Variants in MED27 observed in about 807,000 individuals in gnomAD.
The protein encoded by MED27 is mediator of RNA polymerase II transcription subunit 27.
In MED27, 30 loss-of-function variants were observed where a neutral mutation model predicts 38.2. The observed-to-expected ratio is 0.79, with a 90% CI of 0.59 to 1.07. The LOEUF (loss-of-function observed/expected upper bound fraction) is 1.07. MED27 is among the 50% of genes least tolerant of loss of function. The pLI is 0.00. For missense variants in MED27, 289 were observed against 397.5 expected, an observed-to-expected ratio of 0.73 and a Z score of 2.32; for synonymous variants, 122 against 153.5, an observed-to-expected ratio of 0.79 and a Z score of 1.52.
At position 132,047,817 on chromosome 9, in the gene MED27, G is replaced by T. The variant is rs910809807; in HGVS notation, c.348+29625C>A. The stretch of plus-strand genomic sequence containing the variant: ...AATTCGTAAGCTATAGTGGGAAACA[G>T]GGTGAGGCTAGTTTTCATTGCATAT... On this transcript the variant is annotated intron_variant, in intron 2 of 7. Coordinates refer to ENST00000292035, the MANE Select transcript of MED27 (RefSeq NM_004269.4). Among the ~76,000 whole-genome samples the T allele has an allele frequency of 2.0e-5, 3 of 152,134 alleles. No individual in the cohort carries two copies. In the South Asian group the frequency reaches 6.2e-4, roughly 31 times the overall value.
chr9:131,972,349 C>T (rs1034994372), intron 3 of MED27, among the ~76,000 whole-genome samples: 2 of 151,870 alleles, frequency 1.3e-5, no homozygotes, highest in Admixed American at 1.3e-4. Context: ...CTTATTCTTA[C>T]ACCAAATGCT....
At chr9:131,922,173 A>G (rs1451174365) in intron 4 of MED27, among the ~76,000 whole-genome samples, 1 of 151,950 alleles carries the variant, frequency 6.6e-6, no homozygotes, top group Non-Finnish European at 1.5e-5. Context: ...AAGTATAATA[A>G]AAAATAAAAT....
At chr9:131,933,238 A>G (rs1469444569) in intron 4 of MED27, among the ~76,000 whole-genome samples, 2 of 152,006 alleles carry the variant, frequency 1.3e-5, no homozygotes, top group African/African-American at 2.4e-5. Flanking sequence ...ATCCTTCCAT[A>G]ATACTGGAAG....
intron 3 of MED27, among the ~76,000 whole-genome samples, chr9:132,000,660 C>A (rs967755590): frequency 6.6e-6 from 1 of 151,680 alleles, no homozygotes; most frequent in East Asian, 1.9e-4. Flanking sequence ...TACTATACAG[C>A]AATAATAAGA....
intron 4 of MED27, among the ~76,000 whole-genome samples, chr9:131,911,547 T>C (rs1309825248): frequency 1.3e-5 from 2 of 152,232 alleles, no homozygotes; most frequent in African/African-American, 4.8e-5. Flanking sequence ...GAACATTTGC[T>C]TCGTGGCAAG....
intron 3 of MED27, among the ~76,000 whole-genome samples, chr9:132,011,025 G>C (rs913338904): frequency 6.6e-6 from 1 of 152,040 alleles, no homozygotes; most frequent in Non-Finnish European, 1.5e-5. Flanking sequence ...AGAACTTAAA[G>C]TATAATAAAA....
At chr9:131,923,335 G>A (rs542522295) in intron 4 of MED27, among the ~76,000 whole-genome samples, 79 of 152,162 alleles carry the variant, frequency 5.2e-4, no homozygotes, top group African/African-American at 1.7e-3. Context: ...ATTTATTTCC[G>A]TATTTGCTCA....
At chr9:131,973,087 C>T (rs1404977309) in intron 3 of MED27, among the ~76,000 whole-genome samples, 2 of 152,238 alleles carry the variant, frequency 1.3e-5, no homozygotes, top group African/African-American at 2.4e-5. Context: ...CATGAACCAT[C>T]TTCCTGTCAC....
intron 3 of MED27, among the ~76,000 whole-genome samples, chr9:131,976,996 T>C (rs1048623755): frequency 1.3e-5 from 2 of 152,208 alleles, no homozygotes; most frequent in African/African-American, 2.4e-5. Flanking sequence ...AAAGCACTAA[T>C]TGGGGCTCTA....
chr9:131,926,949 T>C (rs1340602499), intron 4 of MED27, among the ~76,000 whole-genome samples: 1 of 152,204 alleles, frequency 6.6e-6, no homozygotes, highest in Non-Finnish European at 1.5e-5. Context: ...TTCTACCTAA[T>C]AGATCAGTCA....
At chr9:132,079,538 A>G (rs1834127265) in intron 1 of MED27, 104 bp downstream of exon 1, 1 of 1,053,660 alleles carries the variant, frequency 9.5e-7, no homozygotes, top group East Asian at 2.4e-5. Context: ...AACAGGGATC[A>G]AGGGAAACGG....
At chr9:131,930,452 G>A (rs936517201) in intron 4 of MED27, among the ~76,000 whole-genome samples, 1 of 152,206 alleles carries the variant, frequency 6.6e-6, no homozygotes, top group Admixed American at 6.5e-5. Context: ...CCAGGAGAGA[G>A]TGGCATGGCA....
chr9:131,983,968 A>G (rs1315770254), intron 3 of MED27, among the ~76,000 whole-genome samples: 2 of 152,166 alleles, frequency 1.3e-5, no homozygotes, highest in Non-Finnish European at 2.9e-5. Flanking sequence ...ATTTGATCAG[A>G]GCCACTTTCT....
At chr9:131,927,597 T>C (rs1830504981) in intron 4 of MED27, among the ~76,000 whole-genome samples, 1 of 152,176 alleles carries the variant, frequency 6.6e-6, no homozygotes, top group African/African-American at 2.4e-5. Flanking sequence ...TTCACAATTG[T>C]GAAGGGGCCT....
chr9:132,013,100 C>A (rs549923682), intron 3 of MED27, among the ~76,000 whole-genome samples: 20 of 152,178 alleles, frequency 1.3e-4, no homozygotes, highest in Non-Finnish European at 2.9e-4. Context: ...TGCACACTGA[C>A]AGGAAATGGA....
chr9:131,932,514 C>T (rs1048616319), intron 4 of MED27, among the ~76,000 whole-genome samples: 9 of 151,772 alleles, frequency 5.9e-5, no homozygotes, highest in Non-Finnish European at 7.4e-5. Context: ...TGGAAAACCT[C>T]GAGGAAACGG....
At chr9:132,023,520 A>C in intron 2 of MED27, among the ~76,000 whole-genome samples, 1 of 152,182 alleles carries the variant, frequency 6.6e-6, no homozygotes, top group Non-Finnish European at 1.5e-5. Flanking sequence ...AGTGTCATGA[A>C]ATGCCTGTTT....
Position 131,997,599 on chromosome 9 carries a change from C to T in MED27, c.479+16738G>A, listed in dbSNP as rs567148643. ...CCCACTTTCTTTCACAGGGGGTGATCCCTAATAAATATATTGCAGCCCAAT... is the reference window on the plus strand; with the variant it reads ...CCCACTTTCTTTCACAGGGGGTGATTCCTAATAAATATATTGCAGCCCAAT... On this transcript the variant is annotated intron_variant, in intron 3 of 7. Transcript: ENST00000292035. This position sits in a 1 kb window ranked among gnomAD's most constrained non-coding sequence, Gnocchi z 4.0. Among the ~76,000 whole-genome samples, 6 of 152,306 alleles carry T rather than the reference C, an allele frequency of 3.9e-5. No homozygotes were observed. The highest frequency in any genetic ancestry group is 1.4e-4 in the African/African-American group (6 of 41,558).
intron 2 of MED27, among the ~76,000 whole-genome samples, chr9:132,050,892 T>C (rs766008024): frequency 3.9e-5 from 6 of 152,260 alleles, no homozygotes; most frequent in Non-Finnish European, 5.9e-5. Context: ...CTTGACTTTT[T>C]CATTACTACA....
Sources: gnomAD v4.1 joint callset for allele counts (sites outside exome capture counted in the v4.1 genomes callset) on GRCh38, gnomAD v4.1.1 for gene constraint, Gnocchi (gnomAD v3.1) non-coding constraint, MANE v1.5 for transcripts, NCBI Gene and HGNC (gene_info 2026-07-23, HGNC 2026-07-21) for gene names.